Variants in PKD1L3 observed in about 807,000 individuals in gnomAD.
PKD1L3 encodes the protein polycystin-1-like protein 3.
PKD1L3 carries 239 observed loss-of-function variants against 184.1 expected under a neutral mutation model. The ratio of observed to expected loss-of-function variants is 1.30; its 90% CI spans 1.17 to 1.45. The LOEUF (loss-of-function observed/expected upper bound fraction) is 1.45, where lower values mean the gene tolerates loss of function less well. Among genes scored for constraint, PKD1L3 ranks in the 40% most tolerant of loss-of-function variants. PKD1L3 has a pLI of 0.00. For missense variants in PKD1L3, 2,660 were observed against 2,067.2 expected, an observed-to-expected ratio of 1.29 and a Z score of -5.56; for synonymous variants, 996 against 778.8, an observed-to-expected ratio of 1.28 and a Z score of -4.64.
chr16:71,993,444 A>G (rs937115695), intron 2 of PKD1L3, 112 bp from the exon 3 acceptor site: 24 of 694,036 alleles, frequency 3.5e-5, no homozygotes, highest in Non-Finnish European at 5.2e-5. Context: ...CAAATTAAAA[A>G]TTCCTATCCA....
chr16:71,978,512 TATATATATACATAC>T (rs1246385043), intron 9 of PKD1L3, 129 bp from the exon 10 acceptor site: 3 of 160,816 alleles, frequency 1.9e-5, no homozygotes, highest in South Asian at 1.4e-4. Context: ...TATATATATA[TATATATATACATAC>T]ATACATACAT....
chr16:71,990,366 A>G (rs1004979419), intron 3 of PKD1L3, 37 bp from the exon 4 acceptor site: 1 of 1,474,640 alleles, frequency 6.8e-7, no homozygotes, highest in Non-Finnish European at 9.2e-7. Flanking sequence ...TTCAAGTAAA[A>G]GCCTAAGACA....
chr16:71,986,617 A>C, intron 4 of PKD1L3, 148 bp from the exon 5 acceptor site: 1 of 898,614 alleles, frequency 1.1e-6, no homozygotes, highest in East Asian at 2.7e-5. Flanking sequence ...CTCAAACAGA[A>C]TTTTGAAATT....
chr16:71,942,541 C>T lies in PKD1L3; in HGVS notation c.4324+19G>A. ...TTCTTTGCTACGTGTGGTTGAATTC[C>T]AGGGGTCACTCCAGTTACCTCTCAT... On this transcript the variant is annotated intron_variant, in intron 24 of 29. Coordinates refer to ENST00000620267, the MANE Select transcript of PKD1L3 (RefSeq NM_181536.2). The T allele has an allele frequency of 6.5e-7, 1 of 1,535,388 alleles. No homozygotes were observed. Among genetic ancestry groups the T allele is most frequent in the Non-Finnish European group, 8.8e-7 (1 of 1,134,874 alleles).
intron 11 of PKD1L3, among the ~76,000 whole-genome samples, chr16:71,975,458 C>T (rs8057554): frequency 0.038 from 5,717 of 152,184 alleles, 330 homozygotes; most frequent in African/African-American, 0.13. Context: ...GAGATATCAT[C>T]AGGCCTTTCT....
intron 24 of PKD1L3, among the ~76,000 whole-genome samples, chr16:71,941,058 G>A (rs1470172395): frequency 2.0e-5 from 3 of 150,940 alleles, no homozygotes; most frequent in East Asian, 3.9e-4. Context: ...GGCTGGTCTC[G>A]AACTCCTGGG....
chr16:71,963,034 G>C (rs1357026968), intron 16 of PKD1L3, among the ~76,000 whole-genome samples, 171 bp downstream of exon 16: 1 of 152,026 alleles, frequency 6.6e-6, no homozygotes, highest in Non-Finnish European at 1.5e-5. Flanking sequence ...TCTTCCTTCT[G>C]ATTTTTAAGG....
rs914854037 is a variant in PKD1L3, at chr16:71,941,615, C to A, written c.4324+945G>T. On this transcript the variant is annotated intron_variant, in intron 24 of 29. Transcript: ENST00000620267. ...TTTTTTTTTTTTTGAGATGGAGTCT[C>A]GCTCTGTCACCCAGGCTGGAGAGCA... Among the ~76,000 whole-genome samples, 29 of 141,762 alleles carry A rather than the reference C, an allele frequency of 2.0e-4. 2 individuals are homozygous for A. Among genetic ancestry groups the A allele is most frequent in the East Asian group, 1.2e-3 (6 of 5,006 alleles). 93.0% of individuals were successfully genotyped at this position (141,762 alleles called of 152,430 possible). A position where few individuals can be genotyped will look rare whatever the true frequency, so the allele number is the denominator to read the frequency against.
rs1236219333 is a variant in PKD1L3, at chr16:71,935,460, T to G, written c.4511A>C (p.Asp1504Ala). The G allele has an allele frequency of 3.2e-6, 5 of 1,552,098 alleles. No individual in the cohort carries two copies. The highest frequency in any genetic ancestry group is 1.4e-5 in the African/African-American group (1 of 73,040). Reference sequence around the variant, plus strand: ...GAAGCTAATGAGGATTATACTTGTGTCCAGAATGTTTCTTTTCCCAGTGAA... The same window carrying G: ...GAAGCTAATGAGGATTATACTTGTGGCCAGAATGTTTCTTTTCCCAGTGAA... ...RFFTGKRNIL[D>A]TSIILISFIL... Residue 1504 changes from aspartate to alanine, a missense_variant, in exon 26 of 30, where the codon GAC (aspartate) becomes GCC (alanine). Physicochemically the swap from Asp to Ala is moderately radical, Grantham distance 126 (BLOSUM62 -2). Transcript: ENST00000620267.
chr16:71,980,270 T>C, intron 7 of PKD1L3, 136 bp from the exon 8 acceptor site: 2 of 1,205,558 alleles, frequency 1.7e-6, no homozygotes, highest in East Asian at 2.6e-5. Flanking sequence ...GAGAGGACCT[T>C]GGAATCTCAC....
At chr16:71,950,689 G>GA (rs2038794128) in intron 19 of PKD1L3, among the ~76,000 whole-genome samples, 1 of 151,130 alleles carries the variant, frequency 6.6e-6, no homozygotes, top group Admixed American at 6.6e-5. Context: ...TGACAAAGCA[G>GA]AAAGGATATG....
At chr16:71,976,829 G>A (rs8047837) in intron 11 of PKD1L3, among the ~76,000 whole-genome samples, 115,369 of 151,640 alleles carry the variant, frequency 0.76, 44,115 homozygotes, top group South Asian at 0.86. Context: ...TGCAAGCTCC[G>A]TCTCCCAGGT....
intron 12 of PKD1L3, among the ~76,000 whole-genome samples, 170 bp downstream of exon 12, chr16:71,973,154 T>G (rs998289928): frequency 2.6e-5 from 4 of 152,344 alleles, no homozygotes; most frequent in African/African-American, 9.6e-5. Context: ...AGAGGCACAC[T>G]TGCCCTGCCC....
chr16:71,954,536 G>A (rs931345214), intron 16 of PKD1L3, among the ~76,000 whole-genome samples: 4 of 152,102 alleles, frequency 2.6e-5, no homozygotes, highest in Admixed American at 1.3e-4. Flanking sequence ...GGTTGTTGAG[G>A]ATAATTTATA....
rs1404619186 is a variant in PKD1L3 at position 71,954,129 on chromosome 16, T to A, written c.2785A>T (p.Thr929Ser). The A allele has an allele frequency of 6.5e-7, 1 of 1,546,862 alleles. No homozygotes were observed. The highest frequency in any genetic ancestry group is 1.4e-5 in the African/African-American group (1 of 72,734). Residue 929 changes from threonine (T) to serine (S), a missense_variant, in exon 17 of 30, where the codon ACC (threonine) becomes TCC (serine). Coordinates refer to ENST00000620267, the MANE Select transcript of PKD1L3 (RefSeq NM_181536.2). ...CTTTGCTCATCTCTCTTGGCAGTGG[T>A]GCTGTTTATCTTCCAGAACATAACA... ...INVMFWKINSTTAKRDEQMRP... is the reference protein window; with the variant it reads ...INVMFWKINSSTAKRDEQMRP...
rs879920371 is a variant in PKD1L3, at chr16:71,950,143, G to T, written c.3358C>A (p.Leu1120Ile). 3.2e-6 allele frequency: 5 copies of T among 1,552,040 alleles called. No homozygotes were observed. The highest frequency in any genetic ancestry group is 4.4e-6 in the Non-Finnish European group (5 of 1,147,084). The change falls in exon 20 of 30, where the codon CTT becomes ATT. Residue 1120 changes from leucine to isoleucine, a missense_variant. Coordinates refer to ENST00000620267, the MANE Select transcript of PKD1L3 (RefSeq NM_181536.2). Reference protein sequence around the residue: ...KLQELLETHILPTEQEPSREV... With the variant: ...KLQELLETHIIPTEQEPSREV... ...CTGGATGGCTCTTGCTCCGTGGGAA[G>T]AATATGTGTTTCCAAGAGTTCCTGG...
Position 71,936,430 on chromosome 16 carries a change from T to A in PKD1L3, c.4452+862A>T, listed in dbSNP as rs1211269799. ...GTTGGCCAGGCTGGTCTTGAACTCC[T>A]GACCTCAGGTGATCAACCCATCTTG... On this transcript the variant is annotated intron_variant, in intron 25 of 29. Transcript: ENST00000620267. 2.6e-5 allele frequency among the ~76,000 whole-genome samples: 4 copies of A among 151,458 alleles called. No individual in the cohort carries two copies. In the East Asian group the frequency reaches 7.7e-4, roughly 29 times the overall value.
intron 2 of PKD1L3, among the ~76,000 whole-genome samples, chr16:71,997,365 T>C (rs1432783800): frequency 6.6e-6 from 1 of 151,412 alleles, no homozygotes; most frequent in African/African-American, 2.4e-5. Flanking sequence ...GGTGGGAGGA[T>C]TGCTTGAGTC....
Position 71,929,546 on chromosome 16 carries a change from G to A in PKD1L3, c.5191C>T (p.Leu1731=). Residue 1731 remains leucine, a synonymous_variant, in exon 30 of 30, where the codon CTA becomes TTA. Transcript: ENST00000620267. ...VGSDTEVLDE[L]P is the part of the protein sequence containing the mutation. ...AGTAGGAGATAACAGGATTAAGGTA[G>A]TTCATCTAAAACTTCAGTGTCACTG... 1 of 1,550,562 alleles carries A rather than the reference G, an allele frequency of 6.4e-7. No individual in the cohort carries two copies. The highest frequency in any genetic ancestry group is 8.7e-7 in the Non-Finnish European group (1 of 1,146,696).
Sources: gnomAD v4.1 joint callset for allele counts (sites outside exome capture counted in the v4.1 genomes callset) on GRCh38, gnomAD v4.1.1 for gene constraint, MANE v1.5 for transcripts, NCBI Gene and HGNC (gene_info 2026-07-23, HGNC 2026-07-21) for gene names.